The following SLC26A9 variants were observed in gnomAD, a reference collection of about 807,000 sequenced individuals.
SLC26A9 encodes the protein solute carrier family 26 member 9.
Under a neutral mutation model 87.1 loss-of-function variants are expected in SLC26A9, and 46 were observed. That is an observed-to-expected ratio of 0.53 (90% CI 0.42 to 0.67). The LOEUF is 0.67. Among genes scored for constraint, SLC26A9 ranks in the 30% least tolerant of loss-of-function variants. The probability of loss-of-function intolerance (pLI) is 0.00; values close to 1 mark genes in which losing one functional copy is unlikely to be tolerated. For synonymous variants in SLC26A9, 437 were observed against 409.1 expected (o/e 1.07, Z -0.82); for missense variants, 927 against 1,018.3 (o/e 0.91, Z 1.22).
At chr1:205,937,066 A>C (rs1558129927) in intron 1 of SLC26A9, among the ~76,000 whole-genome samples, 1 of 152,218 alleles carries the variant, frequency 6.6e-6, no homozygotes, top group Non-Finnish European at 1.5e-5. Context: ...ATGGATAAGA[A>C]GGGGTTGTGT....
rs11240589 is a variant in SLC26A9 at position 205,914,762 on chromosome 1, G to T, written c.*595C>A. Reference sequence around the variant, plus strand: ...TTTGGGCAGCCTTGGGGATGATGGAGGGGGGGCGCATAGTTACCAAGGCCT... The same window carrying T: ...TTTGGGCAGCCTTGGGGATGATGGATGGGGGGCGCATAGTTACCAAGGCCT... On this transcript the variant is annotated 3_prime_UTR_variant, in exon 21 of 21. Transcript: ENST00000367135. The T allele has an allele frequency of 1.7e-5, 20 of 1,151,890 alleles. No individual in the cohort carries two copies. The highest frequency in any genetic ancestry group is 1.5e-4 in the Admixed American group (6 of 41,124). 71.4% of individuals were successfully genotyped at this position (1,151,890 alleles called of 1,614,324 possible).
intron 12 of SLC26A9, 29 bp downstream of exon 12, chr1:205,926,506 C>A: frequency 6.3e-7 from 1 of 1,587,598 alleles, no homozygotes; most frequent in East Asian, 2.2e-5. Flanking sequence ...AGGGGCATGG[C>A]CAGTACCCAG....
At chr1:205,919,616 C>T (rs937003680) in intron 18 of SLC26A9, among the ~76,000 whole-genome samples, 6 of 152,112 alleles carry the variant, frequency 3.9e-5, no homozygotes, top group Non-Finnish European at 4.4e-5. Context: ...GCACTTGCTC[C>T]CACATCTCTG....
At chr1:205,938,198 A>C (rs1571761265) in intron 1 of SLC26A9, among the ~76,000 whole-genome samples, 4 of 140,878 alleles carry the variant, frequency 2.8e-5, no homozygotes, top group Admixed American at 7.5e-5. Flanking sequence ...TCCTCTCCCT[A>C]CCCCTCAGCC....
intron 2 of SLC26A9, 54 bp from the exon 3 acceptor site, chr1:205,933,138 G>A (rs1459430630): frequency 5.6e-6 from 9 of 1,607,620 alleles, no homozygotes; most frequent in African/African-American, 1.3e-5. Context: ...TGGACATTCC[G>A]TGTTGGAGAG....
At position 205,921,855 on chromosome 1, in the gene SLC26A9, G is replaced by A; in HGVS notation, c.1774-8C>T. ...CTCCTGCAGGGAGACAGTCTGGAAG[G>A]GTGGGGACAGTGGGCAGAGTCAGGG... is the stretch of plus-strand genomic sequence containing the variant. On this transcript the variant is annotated splice_region_variant and splice_polypyrimidine_tract_variant and intron_variant, in intron 16 of 20. Transcript: ENST00000367135. 2 of 1,601,600 alleles carry A rather than the reference G, an allele frequency of 1.2e-6. No individual in the cohort carries two copies. Among genetic ancestry groups the A allele is most frequent in the Non-Finnish European group, 1.7e-6 (2 of 1,175,752 alleles).
At chr1:205,930,191 T>C in intron 5 of SLC26A9, 135 bp from the exon 6 acceptor site, 1 of 923,334 alleles carries the variant, frequency 1.1e-6, no homozygotes, top group Non-Finnish European at 1.5e-6. Context: ...AATTGGACCA[T>C]CTGTGACCTT....
chr1:205,939,774 G>A (rs1314018923), intron 1 of SLC26A9, among the ~76,000 whole-genome samples: 2 of 152,128 alleles, frequency 1.3e-5, no homozygotes, highest in Non-Finnish European at 2.9e-5. Flanking sequence ...GTGGAAGAGG[G>A]AGCAAGAAAG....
intron 8 of SLC26A9, chr1:205,928,280 C>T (rs12143020): frequency 0.044 from 25,489 of 576,018 alleles, 687 homozygotes; most frequent in African/African-American, 0.068. Context: ...CCCAAGGTCC[C>T]CGGGCCAGTA....
At chr1:205,942,781 A>C (rs867325569) in intron 1 of SLC26A9, among the ~76,000 whole-genome samples, 16 of 151,222 alleles carry the variant, frequency 1.1e-4, no homozygotes, top group Non-Finnish European at 1.0e-4. Flanking sequence ...ACCCTCTCCC[A>C]CTCCTCAGTT....
intron 1 of SLC26A9, among the ~76,000 whole-genome samples, chr1:205,940,368 C>T (rs1164137359): frequency 2.0e-5 from 3 of 152,164 alleles, no homozygotes; most frequent in Non-Finnish European, 4.4e-5. Context: ...ACATTTCTAA[C>T]CAGGTCTCTG....
chr1:205,929,949 G>A lies in SLC26A9; in HGVS notation c.660C>T (p.Leu220=). The change falls in exon 6 of 21, where the codon CTC becomes CTT. Residue 220 remains leucine (L), a synonymous_variant. Coordinates refer to ENST00000367135, the MANE Select transcript of SLC26A9 (RefSeq NM_052934.4). The stretch of plus-strand genomic sequence containing the variant: ...GGATGGTCAGTCCGAAGATGTACTT[G>A]AGCACCGAAATCAGGATCTGCAGGC... The part of the protein sequence containing the change: ...AAGLQILISV[L]KYIFGLTIPS... 6.2e-7 allele frequency: 1 copy of A among 1,613,800 alleles called. No homozygotes were observed. The highest frequency in any genetic ancestry group is 8.5e-7 in the Non-Finnish European group (1 of 1,179,704).
At chr1:205,928,725 G>A (rs1418934238) in intron 8 of SLC26A9, 102 bp downstream of exon 8, 26 of 1,098,732 alleles carry the variant, frequency 2.4e-5, no homozygotes, top group Admixed American at 3.7e-5. Flanking sequence ...ATACAGTTTC[G>A]ACTGCACTTT....
rs768052656 is a variant in SLC26A9 at position 205,928,789 on chromosome 1, G to A, written c.953+38C>T. 2.5e-6 allele frequency: 4 copies of A among 1,602,392 alleles called. No homozygotes were observed. In the African/African-American group the frequency reaches 5.4e-5, roughly 21 times the overall value. ...AGCTCAGGCCTTAGTGGGGCATGAG[G>A]TGCGGGTGGGCCAGGCTTCTGGGCC... On this transcript the variant is annotated intron_variant, in intron 8 of 20. Transcript: ENST00000367135.
At chr1:205,937,890 C>CA (rs11390376) in intron 1 of SLC26A9, among the ~76,000 whole-genome samples, 108,952 of 148,046 alleles carry the variant, frequency 0.74, 40,320 homozygotes, top group East Asian at 0.9. Flanking sequence ...AGACCACTTG[C>CA]AAAAAAAAAA....
At chr1:205,929,094 A>T in intron 7 of SLC26A9, 110 bp downstream of exon 7, 1 of 1,516,222 alleles carries the variant, frequency 6.6e-7, no homozygotes, top group Admixed American at 1.9e-5. Context: ...TTCACAACTG[A>T]CTTCCTGTCC....
At position 205,932,157 on chromosome 1, in the gene SLC26A9, T is replaced by C. The variant is rs1571751243; in HGVS notation, c.377-122A>G. ...TGGATCCCTGCACCTCCAAGGCTCT[T>C]CTCCAACACAATAATAACAACCACT... is the stretch of plus-strand genomic sequence containing the variant. On this transcript the variant is annotated intron_variant, in intron 4 of 20. Transcript: ENST00000367135. The C allele has an allele frequency of 6.1e-6, 7 of 1,154,264 alleles. No homozygotes were observed. The East Asian group carries it at 1.2e-4, about 20-fold the overall frequency. 71.5% of individuals were successfully genotyped at this position (1,154,264 alleles called of 1,614,324 possible). A position where few individuals can be genotyped will look rare whatever the true frequency, so the allele number is the denominator to read the frequency against.
chr1:205,920,715 G>A (rs558246533), intron 17 of SLC26A9, among the ~76,000 whole-genome samples: 11 of 152,308 alleles, frequency 7.2e-5, no homozygotes, highest in African/African-American at 2.4e-4. Flanking sequence ...GGCCAGGCTG[G>A]TCTTGAACTC....
At chr1:205,931,570 G>A (rs1225063573) in intron 5 of SLC26A9, among the ~76,000 whole-genome samples, 2 of 148,440 alleles carry the variant, frequency 1.3e-5, no homozygotes, top group East Asian at 2.0e-4. Context: ...GGATTCAAGT[G>A]ATTCTCCTGC....
Sources: gnomAD v4.1 joint callset for allele counts (sites outside exome capture counted in the v4.1 genomes callset) on GRCh38, gnomAD v4.1.1 for gene constraint, MANE v1.5 for transcripts, NCBI Gene and HGNC (gene_info 2026-07-23, HGNC 2026-07-21) for gene names.